Variants in CAMTA1 observed in about 807,000 individuals in gnomAD.
CAMTA1 encodes calmodulin-binding transcription activator 1.
Under a neutral mutation model 170.9 loss-of-function variants are expected in CAMTA1, and 27 were observed. That is an observed-to-expected ratio of 0.16 (90% confidence interval 0.12 to 0.22). The LOEUF (loss-of-function observed/expected upper bound fraction) is 0.22. Among genes scored for constraint, CAMTA1 ranks in the 10% least tolerant of loss-of-function variants. The pLI is 1.00. For missense variants in CAMTA1, 1,619 were observed against 2,217.2 expected (o/e 0.73, Z 5.42); for synonymous variants, 833 against 891.5 (o/e 0.93, Z 1.17).
intron 7 of CAMTA1, among the ~76,000 whole-genome samples, chr1:7,649,055 C>G (rs1188222689): frequency 6.6e-6 from 1 of 152,246 alleles, no homozygotes; most frequent in Non-Finnish European, 1.5e-5. Flanking sequence ...CCAGCATGCA[C>G]TAAGTACTGG....
chr1:7,572,594 A>G lies in CAMTA1; in HGVS notation c.511-67806A>G, dbSNP rs189784188. On this transcript the variant is annotated intron_variant, in intron 6 of 22. Transcript: ENST00000303635. ...TGTCCCAGCACCATTTATTGAATAA[A>G]GAGTTCTTTCCCCATTGCTTGTTTT... 3.9e-5 allele frequency among the ~76,000 whole-genome samples: 6 copies of G among 152,298 alleles called. No homozygotes were observed. In the South Asian group the frequency reaches 8.3e-4, roughly 21 times the overall value.
intron 3 of CAMTA1, among the ~76,000 whole-genome samples, chr1:7,005,661 A>G (rs1202387493): frequency 6.6e-6 from 1 of 152,198 alleles, no homozygotes; most frequent in African/African-American, 2.4e-5. Context: ...AGTATGGGAT[A>G]CAAAGGGAAT....
At chr1:7,480,127 ATGTGTGTGTGAG>A (rs2093492792) in intron 6 of CAMTA1, among the ~76,000 whole-genome samples, 1 of 62,130 alleles carries the variant, frequency 1.6e-5, no homozygotes, top group Non-Finnish European at 3.2e-5. Context: ...GTGTGTGAGT[ATGTGTGTGTGAG>A]CGCCTGTGTC....
At chr1:7,472,063 C>T (rs1366784518) in intron 6 of CAMTA1, among the ~76,000 whole-genome samples, 4 of 152,222 alleles carry the variant, frequency 2.6e-5, no homozygotes, top group Admixed American at 1.3e-4. Context: ...GGTGTGTCCC[C>T]GCATGGCTGC....
chr1:7,257,264 A>G (rs1411513312), intron 5 of CAMTA1, among the ~76,000 whole-genome samples: 1 of 152,190 alleles, frequency 6.6e-6, no homozygotes, highest in African/African-American at 2.4e-5. Flanking sequence ...TCATTCAGTT[A>G]CTTGGTAACA....
chr1:7,225,903 C>A (rs987920390), intron 4 of CAMTA1, among the ~76,000 whole-genome samples: 1 of 152,182 alleles, frequency 6.6e-6, no homozygotes, highest in African/African-American at 2.4e-5. Context: ...AGCAGCGAAC[C>A]TTTCCGAGCC....
intron 6 of CAMTA1, among the ~76,000 whole-genome samples, chr1:7,611,747 G>T (rs980079826): frequency 2.0e-5 from 3 of 152,242 alleles, no homozygotes; most frequent in Non-Finnish European, 4.4e-5. Context: ...GTAAGGTGGG[G>T]GCAGCTGCTG....
chr1:7,467,708 G>T (rs765807788), intron 5 of CAMTA1, 122 bp from the exon 6 acceptor site: 2 of 882,064 alleles, frequency 2.3e-6, no homozygotes, highest in Non-Finnish European at 3.9e-6. Flanking sequence ...AGGTGCCCTC[G>T]GTCTCCCTGG....
chr1:6,799,024 T>G (rs891690794), intron 1 of CAMTA1, among the ~76,000 whole-genome samples: 19 of 152,274 alleles, frequency 1.2e-4, no homozygotes, highest in Non-Finnish European at 1.6e-4. Context: ...CAGCTCAAAC[T>G]CTTTCCTTTT....
chr1:7,107,919 A>G (rs571832165), intron 4 of CAMTA1, among the ~76,000 whole-genome samples: 1 of 152,302 alleles, frequency 6.6e-6, no homozygotes, highest in Admixed American at 6.5e-5. Flanking sequence ...GGTCACTGGA[A>G]TCATCTGCCT....
chr1:6,842,293 G>T (rs187087263), intron 3 of CAMTA1, among the ~76,000 whole-genome samples: 9 of 152,208 alleles, frequency 5.9e-5, no homozygotes, highest in African/African-American at 2.2e-4. Flanking sequence ...ACAAGTGGGC[G>T]TCATAGTGAG....
Position 6,818,510 on chromosome 1 carries a change from C to G in CAMTA1, c.46-1671C>G, listed in dbSNP as rs189152051. Among the ~76,000 whole-genome samples the G allele has an allele frequency of 7.6e-3, 1,157 of 152,288 alleles. 62 individuals are homozygous for G. Among genetic ancestry groups the G allele is most frequent in the Non-Finnish European group, 1.7e-3 (115 of 68,036 alleles). ...ACTTGGGTATGTATTACCTAATCCT[C>G]CTCCTGCCTCAGAGAGAAGGAGAGA... On this transcript the variant is annotated intron_variant, in intron 1 of 22. Coordinates refer to ENST00000303635, the MANE Select transcript of CAMTA1 (RefSeq NM_015215.4).
At position 7,736,373 on chromosome 1, in the gene CAMTA1, C is replaced by A; in HGVS notation, c.3096C>A (p.Ser1032Arg). The stretch of plus-strand genomic sequence containing the variant: ...CTTCTGGGACTGGGGCCTTGGGGAG[C>A]TGCTTTGAGAGCCGTGTGGTCGTGG... ...QCASGTGALG[S>R]CFESRVVVVC... The change falls in exon 13 of 23, where the codon AGC (serine) becomes AGA (arginine). Residue 1032 changes from serine to arginine, a missense_variant. Physicochemically the swap from Ser to Arg is moderately radical, Grantham distance 110. Around this residue, in one of 8 missense-constraint regions of CAMTA1, gnomAD observed 143 missense variants for 184.2 expected, o/e 0.78. Coordinates refer to ENST00000303635, the MANE Select transcript of CAMTA1 (RefSeq NM_015215.4). This position sits in a 1 kb window ranked among gnomAD's most constrained non-coding sequence, Gnocchi z 4.5. The A allele has an allele frequency of 6.2e-7, 1 of 1,614,120 alleles. No homozygotes were observed. The highest frequency in any genetic ancestry group is 1.1e-5 in the South Asian group (1 of 91,086).
At chr1:7,481,897 G>A (rs554488589) in intron 6 of CAMTA1, among the ~76,000 whole-genome samples, 28 of 151,036 alleles carry the variant, frequency 1.9e-4, no homozygotes, top group South Asian at 1.5e-3. Context: ...TGATCGATGC[G>A]TGCGTCAGTC....
At chr1:7,436,655 G>T (rs758377200) in intron 5 of CAMTA1, among the ~76,000 whole-genome samples, 2 of 152,196 alleles carry the variant, frequency 1.3e-5, no homozygotes, top group Non-Finnish European at 2.9e-5. Flanking sequence ...GCAGTTGAAG[G>T]CTGGTTCCTG....
intron 11 of CAMTA1, among the ~76,000 whole-genome samples, chr1:7,712,022 A>G (rs2096574348): frequency 6.6e-6 from 1 of 152,254 alleles, no homozygotes; most frequent in African/African-American, 2.4e-5. Context: ...CATATTATAA[A>G]ACATTGAACT....
intron 11 of CAMTA1, among the ~76,000 whole-genome samples, chr1:7,703,226 T>G (rs921198658): frequency 6.7e-6 from 1 of 149,510 alleles, no homozygotes; most frequent in Non-Finnish European, 1.5e-5. Flanking sequence ...TGCATAGGAG[T>G]CTCCCTAGCA....
chr1:7,384,645 AT>A (rs1280772034), intron 5 of CAMTA1, among the ~76,000 whole-genome samples: 1 of 152,206 alleles, frequency 6.6e-6, no homozygotes, highest in African/African-American at 2.4e-5. Context: ...GTCACTCTTA[AT>A]TTTTTGTTAA....
intron 5 of CAMTA1, among the ~76,000 whole-genome samples, chr1:7,408,794 C>A (rs376058653): frequency 2.0e-5 from 3 of 152,336 alleles, no homozygotes; most frequent in South Asian, 2.1e-4. Flanking sequence ...TAGTTCATCT[C>A]TCTGAATTGG....
Sources: gnomAD v4.1 joint callset for allele counts (sites outside exome capture counted in the v4.1 genomes callset) on GRCh38, gnomAD v4.1.1 for gene constraint, gnomAD v4.1.1 regional missense constraint, Gnocchi (gnomAD v3.1) non-coding constraint, MANE v1.5 for transcripts, NCBI Gene and HGNC (gene_info 2026-07-23, HGNC 2026-07-21) for gene names.